The following KCTD15 variants were observed in gnomAD, a reference collection of about 807,000 sequenced individuals.
KCTD15 encodes BTB/POZ domain-containing protein KCTD15.
In KCTD15, 11 loss-of-function variants were observed where a neutral mutation model predicts 27.2. The observed-to-expected ratio is 0.41, with a 90% CI of 0.25 to 0.67. The LOEUF is 0.67. KCTD15 is among the 30% of genes least tolerant of loss of function. The pLI, the probability that KCTD15 is intolerant of heterozygous loss-of-function variation, is 0.35. For missense variants in KCTD15, 350 were observed against 409.3 expected (o/e 0.86, Z 1.25); for synonymous variants, 163 against 176.0 (o/e 0.93, Z 0.58).
At chr19:33,805,899 G>A (rs1975696285) in intron 4 of KCTD15, among the ~76,000 whole-genome samples, 1 of 152,208 alleles carries the variant, frequency 6.6e-6, no homozygotes, top group African/African-American at 2.4e-5. Flanking sequence ...CCCCGGAGTG[G>A]ACAGGGACAG....
At chr19:33,800,589 T>TAAACAGGC in intron 3 of KCTD15, 69 bp downstream of exon 3, 1 of 1,375,664 alleles carries the variant, frequency 7.3e-7, no homozygotes, top group Non-Finnish European at 1.0e-6. Context: ...AGTGCCTGTT[T>TAAACAGGC]ACTGGCTGTC....
intron 4 of KCTD15, among the ~76,000 whole-genome samples, chr19:33,806,489 T>C (rs2145469556): frequency 6.6e-6 from 1 of 152,286 alleles, no homozygotes; most frequent in Non-Finnish European, 1.5e-5. Context: ...GGTGGGTCTA[T>C]CTGGCAAGGG....
intron 5 of KCTD15, among the ~76,000 whole-genome samples, chr19:33,809,684 C>T (rs1975826999): frequency 6.6e-6 from 1 of 152,080 alleles, no homozygotes. Flanking sequence ...CAGCCTGGAC[C>T]TTGTGTCTAC....
chr19:33,799,820 G>GT (rs1019480615), intron 2 of KCTD15: 2 of 152,776 alleles, frequency 1.3e-5, no homozygotes, highest in Non-Finnish European at 2.9e-5. Context: ...ACAAAGACAG[G>GT]TTTTCTCTGC....
chr19:33,811,110 G>A (rs1975888776), intron 5 of KCTD15, 137 bp from the exon 6 acceptor site: 7 of 722,136 alleles, frequency 9.7e-6, no homozygotes, highest in African/African-American at 1.8e-5. Context: ...GGGTGCAACC[G>A]GCCCAGTCCA....
chr19:33,794,630 C>T (rs1164149263), upstream of KCTD15, among the ~76,000 whole-genome samples: 1 of 152,206 alleles, frequency 6.6e-6, no homozygotes, highest in Non-Finnish European at 1.5e-5. Flanking sequence ...TCCACAAAGG[C>T]CTGGGGCGGG....
At chr19:33,796,845 T>TGGGGGGGGGGGGGGGGGGGGGGG (rs1975331739), upstream of KCTD15, 1 of 31,592 alleles carries the variant, frequency 3.2e-5, no homozygotes, top group Admixed American at 3.4e-4. Context: ...GGGGGAGGGT[T>TGGGGGGGGGGGGGGGGGGGGGGG]GGGGGCGAGA....
intron 4 of KCTD15, 49 bp from the exon 5 acceptor site, chr19:33,806,814 A>C: frequency 1.9e-6 from 3 of 1,593,916 alleles, no homozygotes; most frequent in Non-Finnish European, 2.6e-6. Flanking sequence ...GAAGACAGGC[A>C]GACTTGTCCC....
At chr19:33,805,227 G>A (rs553311631) in intron 4 of KCTD15, among the ~76,000 whole-genome samples, 15 of 152,220 alleles carry the variant, frequency 9.9e-5, no homozygotes, top group South Asian at 8.3e-4. Flanking sequence ...CAGCTAAACC[G>A]TGCCCTTTAT....
intron 1 of KCTD15, chr19:33,798,375 GAC>G (rs1392968322): frequency 1.3e-5 from 2 of 152,220 alleles, no homozygotes; most frequent in African/African-American, 4.8e-5. Flanking sequence ...AGCGCAATGG[GAC>G]ACAAAATCAT....
rs770801302 is a variant in KCTD15 at position 33,811,408 on chromosome 19, C to T, written c.549C>T (p.Leu183=). 1.9e-6 allele frequency: 3 copies of T among 1,609,856 alleles called. No individual in the cohort carries two copies. Among genetic ancestry groups the T allele is most frequent in the African/African-American group, 1.3e-5 (1 of 74,928 alleles). Residue 183 remains leucine, a synonymous_variant, in exon 6 of 7, where the codon CTC becomes CTT. Transcript: ENST00000683859. The part of the protein sequence containing the change: ...VTPDLGERIA[L]SGEKALIEEV... ...CCGACTTGGGCGAGCGGATCGCACT[C>T]AGCGGCGAGAAGGCCCTCATCGAGG...
chr19:33,796,969 C>T lies in KCTD15; in HGVS notation c.-145C>T, dbSNP rs1975336531. Reference sequence around the variant, plus strand: ...CGTGGGGCGGGGGCTGCGCCCGAGCCCGATCTGCCGGCTCCGAGGTAAGCT... The same window carrying T: ...CGTGGGGCGGGGGCTGCGCCCGAGCTCGATCTGCCGGCTCCGAGGTAAGCT... On this transcript the variant is annotated 5_prime_UTR_variant, in exon 1 of 7. Transcript: ENST00000683859. The T allele has an allele frequency of 9.3e-6, 1 of 107,232 alleles. No homozygotes were observed. The highest frequency in any genetic ancestry group is 2.3e-5 in the Non-Finnish European group (1 of 44,248). The allele number at this position is 107,232 out of a possible 1,614,324, so 6.6% of individuals were successfully genotyped here.
rs894363283 is a variant in KCTD15 at position 33,806,716 on chromosome 19, T to G, written c.243-147T>G. 6.3e-5 allele frequency: 52 copies of G among 830,236 alleles called. No homozygotes were observed. The African/African-American group carries it at 8.0e-4, about 13-fold the overall frequency. The allele number at this position is 830,236 out of a possible 1,614,324, so 51.4% of individuals were successfully genotyped here. A position where few individuals can be genotyped will look rare whatever the true frequency, so the allele number is the denominator to read the frequency against. On this transcript the variant is annotated intron_variant, in intron 4 of 6. Coordinates refer to ENST00000683859, the MANE Select transcript of KCTD15 (RefSeq NM_001129994.2). ...CTGCCCCAGGTGTGTGCAGATGTTG[T>G]CAGGCCTGGAACAGTTCCAGAGTCA...
chr19:33,811,577 C>T (rs543803703), intron 6 of KCTD15, 25 bp downstream of exon 6: 3 of 1,572,048 alleles, frequency 1.9e-6, no homozygotes, highest in African/African-American at 1.3e-5. Flanking sequence ...CTGCCCCCTC[C>T]CCGCCGCACC....
intron 2 of KCTD15, 64 bp from the exon 3 acceptor site, chr19:33,800,364 T>C: frequency 7.5e-7 from 1 of 1,333,256 alleles, no homozygotes. Flanking sequence ...CTAAGTGTCT[T>C]TGACCCCATG....
intron 4 of KCTD15, among the ~76,000 whole-genome samples, chr19:33,802,205 C>G (rs1332611420): frequency 2.0e-5 from 3 of 148,846 alleles, no homozygotes; most frequent in Non-Finnish European, 4.5e-5. Flanking sequence ...GATGTTTGCT[C>G]CTGGCACAGA....
chr19:33,807,741 G>T (rs1429629252), intron 5 of KCTD15, among the ~76,000 whole-genome samples: 1 of 151,856 alleles, frequency 6.6e-6, no homozygotes, highest in Non-Finnish European at 1.5e-5. Context: ...AGAAAAGGAC[G>T]GCTGTAATTA....
At chr19:33,812,166 C>G in intron 6 of KCTD15, 1 of 1,172,910 alleles carries the variant, frequency 8.5e-7, no homozygotes, top group Non-Finnish European at 1.1e-6. Context: ...TCGGTCAGAA[C>G]TTGCTAGTTG....
At chr19:33,797,385 C>G (rs899878162) in intron 1 of KCTD15, 60 of 455,104 alleles carry the variant, frequency 1.3e-4, no homozygotes, top group Non-Finnish European at 2.4e-4. Context: ...CAGAAACGGG[C>G]TCACGCAACT....
Sources: gnomAD v4.1 joint callset for allele counts (sites outside exome capture counted in the v4.1 genomes callset) on GRCh38, gnomAD v4.1.1 for gene constraint, MANE v1.5 for transcripts, NCBI Gene and HGNC (gene_info 2026-07-23, HGNC 2026-07-21) for gene names.